Variants in ASAP1 observed in about 807,000 individuals in gnomAD.
ASAP1 encodes ArfGAP with SH3 domain, ankyrin repeat and PH domain 1.
Under a neutral mutation model 145.2 loss-of-function variants are expected in ASAP1, and 43 were observed. The ratio of observed to expected loss-of-function variants is 0.30; its 90% CI spans 0.23 to 0.38. ASAP1 has a LOEUF of 0.38. Among genes scored for constraint, ASAP1 ranks in the 10% least tolerant of loss-of-function variants. ASAP1 has a pLI of 1.00. For synonymous variants in ASAP1, 546 were observed against 515.5 expected (o/e 1.06, Z -0.80); for missense variants, 1,018 against 1,355.3 (o/e 0.75, Z 3.91).
Position 130,092,157 on chromosome 8 carries a change from T to C in ASAP1, c.2402-14A>G, listed in dbSNP as rs2097506934. The stretch of plus-strand genomic sequence containing the variant: ...GGCCAGTTGGACCTAGAAAGGAAAT[T>C]GAATGGGGGCAGGAAGATTAATCCC... On this transcript the variant is annotated splice_polypyrimidine_tract_variant and intron_variant, in intron 24 of 29. Transcript: ENST00000518721. 1.3e-6 allele frequency: 2 copies of C among 1,563,834 alleles called. No individual in the cohort carries two copies. Among genetic ancestry groups the C allele is most frequent in the African/African-American group, 2.8e-5 (2 of 70,860 alleles).
At chr8:130,307,650 T>C (rs1455428612) in intron 3 of ASAP1, among the ~76,000 whole-genome samples, 2 of 152,206 alleles carry the variant, frequency 1.3e-5, no homozygotes, top group Non-Finnish European at 2.9e-5. Flanking sequence ...ATGTTTCCCT[T>C]CCACCTCTCA....
At chr8:130,369,220 T>C (rs191116023) in intron 2 of ASAP1, among the ~76,000 whole-genome samples, 1 of 152,202 alleles carries the variant, frequency 6.6e-6, no homozygotes, top group Non-Finnish European at 1.5e-5. Context: ...AATGTTTACA[T>C]ATACATAATG....
At chr8:130,172,812 T>C (rs768220125) in intron 9 of ASAP1, among the ~76,000 whole-genome samples, 1 of 152,228 alleles carries the variant, frequency 6.6e-6, no homozygotes, top group Non-Finnish European at 1.5e-5. Context: ...GAAATGGCAC[T>C]GATAAAAATG....
chr8:130,112,461 C>T (rs769325231), intron 23 of ASAP1, 139 bp from the exon 24 acceptor site: 67 of 637,488 alleles, frequency 1.1e-4, no homozygotes, highest in Middle Eastern at 3.9e-4. Flanking sequence ...CACAATGAGC[C>T]TCATGATGCT....
chr8:130,373,090 C>CA (rs1827297603), intron 2 of ASAP1, among the ~76,000 whole-genome samples: 2 of 137,794 alleles, frequency 1.5e-5, no homozygotes, highest in South Asian at 4.8e-4. Flanking sequence ...AGACACCCCC[C>CA]CACACACACA....
At chr8:130,072,430 T>C in intron 27 of ASAP1, among the ~76,000 whole-genome samples, 1 of 152,198 alleles carries the variant, frequency 6.6e-6, no homozygotes, top group Non-Finnish European at 1.5e-5. Context: ...GCTCTCATTT[T>C]TCTCTTGCCT....
At chr8:130,116,029 G>T (rs1196771639) in intron 22 of ASAP1, among the ~76,000 whole-genome samples, 1 of 152,156 alleles carries the variant, frequency 6.6e-6, no homozygotes, top group Non-Finnish European at 1.5e-5. Context: ...AAGGCAAAAC[G>T]AGTCTTTGAA....
At chr8:130,285,108 A>AATT (rs1821525345) in intron 3 of ASAP1, among the ~76,000 whole-genome samples, 1 of 152,216 alleles carries the variant, frequency 6.6e-6, no homozygotes, top group Non-Finnish European at 1.5e-5. Context: ...CTTTGGAGTG[A>AATT]ATTAGTTCAG....
At chr8:130,392,144 T>G (rs1828313297) in intron 2 of ASAP1, among the ~76,000 whole-genome samples, 1 of 152,190 alleles carries the variant, frequency 6.6e-6, no homozygotes, top group Non-Finnish European at 1.5e-5. Context: ...TGTGGAATAG[T>G]TTTTAAGACT....
chr8:130,132,740 A>G (rs1270715888), intron 15 of ASAP1, among the ~76,000 whole-genome samples: 1 of 152,242 alleles, frequency 6.6e-6, no homozygotes, highest in Non-Finnish European at 1.5e-5. Flanking sequence ...CTTGGCATAC[A>G]GCTGGCATTC....
At chr8:130,137,772 T>C (rs558432576) in intron 13 of ASAP1, among the ~76,000 whole-genome samples, 1 of 152,172 alleles carries the variant, frequency 6.6e-6, no homozygotes, top group African/African-American at 2.4e-5. Flanking sequence ...ACAGACCCTA[T>C]AGTATCTAGA....
rs956868252 is a variant in ASAP1 at position 130,418,373 on chromosome 8, C to T, written c.-27-16403G>A. On this transcript the variant is annotated intron_variant, in intron 1 of 29. Coordinates refer to ENST00000518721, the MANE Select transcript of ASAP1 (RefSeq NM_018482.4). The stretch of plus-strand genomic sequence containing the variant: ...GACCAGCCTGACCAACATGGTGAAA[C>T]CTCGTCTCTACTAAAAATACAAAAA... Among the ~76,000 whole-genome samples, 9 of 152,118 alleles carry T rather than the reference C, an allele frequency of 5.9e-5. No homozygotes were observed. The East Asian group carries it at 1.7e-3, about 29-fold the overall frequency.
chr8:130,137,782 A>G (rs775794598), intron 13 of ASAP1, among the ~76,000 whole-genome samples: 6 of 152,178 alleles, frequency 3.9e-5, no homozygotes, highest in Non-Finnish European at 8.8e-5. Flanking sequence ...TAGTATCTAG[A>G]TAGTCACGCT....
chr8:130,371,103 C>T (rs773871563), intron 2 of ASAP1, among the ~76,000 whole-genome samples: 6 of 152,184 alleles, frequency 3.9e-5, no homozygotes, highest in Non-Finnish European at 8.8e-5. Flanking sequence ...GCATACCTTA[C>T]CTGTTAATAA....
chr8:130,408,624 T>C (rs1378704578), intron 1 of ASAP1, among the ~76,000 whole-genome samples: 1 of 152,194 alleles, frequency 6.6e-6, no homozygotes, highest in Non-Finnish European at 1.5e-5. Context: ...GCCAATTCCC[T>C]ATAATAAATA....
At position 130,311,929 on chromosome 8, in the gene ASAP1, GATTT is replaced by G. The variant is rs1202232144; in HGVS notation, c.186+46084_186+46087del. Reference sequence around the variant, plus strand: ...TAGTAATTTGAATACGATCCATAATGATTTATTAATTGTACTCCTTCTAAATGAG... The same window carrying G: ...TAGTAATTTGAATACGATCCATAATGATTAATTGTACTCCTTCTAAATGAG... On this transcript the variant is annotated intron_variant, in intron 3 of 29. Coordinates refer to ENST00000518721, the MANE Select transcript of ASAP1 (RefSeq NM_018482.4). 3.3e-5 allele frequency among the ~76,000 whole-genome samples: 5 copies of G among 151,970 alleles called. No individual in the cohort carries two copies. In the East Asian group the frequency reaches 9.6e-4, roughly 29 times the overall value.
intron 3 of ASAP1, among the ~76,000 whole-genome samples, chr8:130,328,997 T>A (rs1007439326): frequency 1.3e-5 from 2 of 152,070 alleles, no homozygotes; most frequent in Non-Finnish European, 2.9e-5. Flanking sequence ...TTAATCAAAT[T>A]TCTAATGGTC....
At position 130,054,680 on chromosome 8, in the gene ASAP1, G is replaced by A. The variant is rs2097399756; in HGVS notation, c.*51C>T. On this transcript the variant is annotated 3_prime_UTR_variant, in exon 30 of 30. Transcript: ENST00000518721. ...CACACTGTGCCCAGGGTTACATGAA[G>A]GCAGCAGTCTTGCATGAAGGATGTG... 2.0e-6 allele frequency: 3 copies of A among 1,511,120 alleles called. No individual in the cohort carries two copies. The South Asian group carries it at 3.4e-5, about 17-fold the overall frequency. 93.6% of individuals were successfully genotyped at this position (1,511,120 alleles called of 1,614,324 possible).
At chr8:130,268,867 C>T (rs1820424763) in intron 3 of ASAP1, among the ~76,000 whole-genome samples, 1 of 152,034 alleles carries the variant, frequency 6.6e-6, no homozygotes, top group African/African-American at 2.4e-5. Flanking sequence ...TGAAGCATTC[C>T]CCCATCAATT....
Sources: gnomAD v4.1 joint callset for allele counts (sites outside exome capture counted in the v4.1 genomes callset) on GRCh38, gnomAD v4.1.1 for gene constraint, MANE v1.5 for transcripts, NCBI Gene and HGNC (gene_info 2026-07-23, HGNC 2026-07-21) for gene names.